Variants in AP1G1 observed in about 807,000 individuals in gnomAD.
AP1G1 encodes the protein AP-1 complex subunit gamma-1.
Under a neutral mutation model 108.3 loss-of-function variants are expected in AP1G1, and 7 were observed. That is an observed-to-expected ratio of 0.06 (90% CI 0.04 to 0.12). The LOEUF is 0.12. AP1G1 is among the 10% of genes least tolerant of loss of function. The pLI, the probability that AP1G1 is intolerant of heterozygous loss-of-function variation, is 1.00. For synonymous variants in AP1G1, 379 were observed against 353.5 expected, an observed-to-expected ratio of 1.07 and a Z score of -0.81; for missense variants, 756 against 1,010.7, an observed-to-expected ratio of 0.75 and a Z score of 3.42.
chr16:71,799,365 A>C (rs1415579306), intron 1 of AP1G1, among the ~76,000 whole-genome samples: 1 of 152,242 alleles, frequency 6.6e-6, no homozygotes, highest in East Asian at 1.9e-4. Flanking sequence ...GCACTTTGTT[A>C]AGTGGCAAAA....
At position 71,771,085 on chromosome 16, in the gene AP1G1, A is replaced by T. The variant is rs1343709404; in HGVS notation, c.565+71T>A. On this transcript the variant is annotated intron_variant, in intron 5 of 22. Coordinates refer to ENST00000299980, the MANE Select transcript of AP1G1 (RefSeq NM_001128.6). The stretch of plus-strand genomic sequence containing the variant: ...CCACTGTTCTGAGAGACACAGGACT[A>T]ACATAGCCTTAAGCCTTTTCTCTTT... 7.3e-6 allele frequency: 7 copies of T among 956,002 alleles called. No homozygotes were observed. In the African/African-American group the frequency reaches 9.8e-5, roughly 13 times the overall value. The allele number at this position is 956,002 out of a possible 1,614,324, so 59.2% of individuals were successfully genotyped here. A position where few individuals can be genotyped will look rare whatever the true frequency, so the allele number is the denominator to read the frequency against.
rs1310013986 is a variant in AP1G1, at chr16:71,753,869, T to C, written c.1248A>G (p.Arg416=). The change falls in exon 13 of 23, where the codon CGA becomes CGG. Residue 416 remains arginine (R), a synonymous_variant. Coordinates refer to ENST00000299980, the MANE Select transcript of AP1G1 (RefSeq NM_001128.6). The part of the protein sequence containing the change: ...LAAEKYAPSK[R]WHIDTIMRVL... ...CACGCATAATTGTGTCTATATGCCA[T>C]CGTTTGGAAGGTGCATACCTGAAAA... The C allele has an allele frequency of 3.7e-6, 6 of 1,613,956 alleles. No individual in the cohort carries two copies. The Admixed American group carries it at 6.7e-5, about 18-fold the overall frequency.
intron 16 of AP1G1, 21 bp downstream of exon 16, chr16:71,748,230 C>G: frequency 6.2e-7 from 1 of 1,603,952 alleles, no homozygotes; most frequent in South Asian, 1.1e-5. Flanking sequence ...CCTGTTCACC[C>G]TATGTTTCTT....
intron 21 of AP1G1, among the ~76,000 whole-genome samples, chr16:71,737,294 C>CT (rs553808988): frequency 4.6e-5 from 7 of 151,336 alleles, no homozygotes; most frequent in African/African-American, 9.7e-5. Context: ...TTTTTTTCTT[C>CT]TTTTTTTTGG....
At chr16:71,784,309 A>G (rs1333489605) in intron 2 of AP1G1, among the ~76,000 whole-genome samples, 1 of 152,226 alleles carries the variant, frequency 6.6e-6, no homozygotes, top group Non-Finnish European at 1.5e-5. Flanking sequence ...GCTCAAAGCC[A>G]GAAGTCACAT....
At chr16:71,741,527 G>A (rs561809764) in intron 19 of AP1G1, among the ~76,000 whole-genome samples, 24 of 152,280 alleles carry the variant, frequency 1.6e-4, no homozygotes, top group African/African-American at 5.8e-4. Context: ...AGGTTGCAGT[G>A]AGCCAAGATC....
chr16:71,774,656 T>A, intron 2 of AP1G1, 64 bp from the exon 3 acceptor site: 1 of 1,511,056 alleles, frequency 6.6e-7, no homozygotes, highest in East Asian at 2.3e-5. Flanking sequence ...AGAAAAGCAG[T>A]GTTTTTAACC....
intron 3 of AP1G1, 65 bp from the exon 4 acceptor site, chr16:71,773,427 C>T (rs1158500518): frequency 7.0e-7 from 1 of 1,434,610 alleles, no homozygotes; most frequent in Non-Finnish European, 9.2e-7. Context: ...TTCACAATTT[C>T]AAACTAGTTC....
At chr16:71,807,495 C>G (rs1352870898) in intron 1 of AP1G1, among the ~76,000 whole-genome samples, 1 of 152,022 alleles carries the variant, frequency 6.6e-6, no homozygotes, top group African/African-American at 2.4e-5. Flanking sequence ...GCAAACATGC[C>G]TTTAGAATAA....
At chr16:71,766,845 A>G (rs2031338624) in intron 6 of AP1G1, among the ~76,000 whole-genome samples, 1 of 152,260 alleles carries the variant, frequency 6.6e-6, no homozygotes, top group Admixed American at 6.5e-5. Context: ...TAAGTAACTT[A>G]TAAGTCACCT....
At chr16:71,789,154 C>G (rs928997081) in intron 2 of AP1G1, 125 bp downstream of exon 2, 5 of 866,734 alleles carry the variant, frequency 5.8e-6, no homozygotes, top group African/African-American at 5.0e-5. Context: ...CAATCTTACC[C>G]TCAGTTCCAC....
At chr16:71,736,117 A>AAAAAAAAATATAT (rs1555550846) in intron 21 of AP1G1, among the ~76,000 whole-genome samples, 7 of 71,616 alleles carry the variant, frequency 9.8e-5, no homozygotes, top group African/African-American at 4.4e-4. Flanking sequence ...AAAAAAAAAA[A>AAAAAAAAATATAT]ATATATATAT....
intron 19 of AP1G1, chr16:71,742,378 G>C (rs991797104): frequency 6.6e-6 from 1 of 151,846 alleles, no homozygotes; most frequent in Admixed American, 6.6e-5. Context: ...AAATATAATA[G>C]GACCAAATTT....
chr16:71,737,074 T>C (rs950673183), intron 21 of AP1G1, among the ~76,000 whole-genome samples: 13 of 152,150 alleles, frequency 8.5e-5, no homozygotes, highest in African/African-American at 3.1e-4. Flanking sequence ...GAAAAGTGCT[T>C]CAAACAGTGC....
At chr16:71,747,645 C>T (rs1447940251) in intron 16 of AP1G1, among the ~76,000 whole-genome samples, 1 of 150,772 alleles carries the variant, frequency 6.6e-6, no homozygotes, top group Non-Finnish European at 1.5e-5. Context: ...AGATTCTCAA[C>T]TTAAAAAGAA....
intron 1 of AP1G1, among the ~76,000 whole-genome samples, chr16:71,794,254 A>G (rs1249533895): frequency 1.3e-5 from 2 of 152,184 alleles, no homozygotes; most frequent in Admixed American, 6.5e-5. Context: ...GCTTCTGTCA[A>G]TTTCTCCATT....
At position 71,776,297 on chromosome 16, in the gene AP1G1, G is replaced by T. The variant is rs11866980; in HGVS notation, c.202-1705C>A. 4.6e-5 allele frequency among the ~76,000 whole-genome samples: 7 copies of T among 152,244 alleles called. No homozygotes were observed. The South Asian group carries it at 1.5e-3, about 32-fold the overall frequency. ...GTTAGCTGAATGACTATACTATCAC[G>T]AGCATTTCAAAGAAGTCTCCAAGGA... is the stretch of plus-strand genomic sequence containing the variant. On this transcript the variant is annotated intron_variant, in intron 2 of 22. Transcript: ENST00000299980.
At chr16:71,774,709 T>C in intron 2 of AP1G1, 117 bp from the exon 3 acceptor site, 1 of 1,084,858 alleles carries the variant, frequency 9.2e-7, no homozygotes, top group Non-Finnish European at 1.3e-6. Flanking sequence ...ATGTGTTTCA[T>C]CAAACTACCT....
intron 9 of AP1G1, among the ~76,000 whole-genome samples, chr16:71,763,689 G>C (rs137966799): frequency 0.013 from 1,964 of 152,156 alleles, 34 homozygotes; most frequent in African/African-American, 0.045. Context: ...AAGTTACTTT[G>C]GTTATCTAAC....
Sources: allele counts gnomAD v4.1 joint callset (sites outside exome capture counted in the v4.1 genomes callset), GRCh38; gene constraint gnomAD v4.1.1; transcripts MANE v1.5; gene names NCBI Gene and HGNC (gene_info 2026-07-23, HGNC 2026-07-21).